Variants in COL4A3 observed in about 807,000 individuals in gnomAD.
COL4A3 encodes collagen type IV alpha 3 chain, also known as collagen alpha-3(IV) chain.
COL4A3 carries 135 observed loss-of-function variants against 217.4 expected under a neutral mutation model. That is an observed-to-expected ratio of 0.62 (90% CI 0.54 to 0.72). The LOEUF (loss-of-function observed/expected upper bound fraction) is 0.72, where lower values mean the gene tolerates loss of function less well. COL4A3 is among the 30% of genes least tolerant of loss of function. The pLI, the probability that COL4A3 is intolerant of heterozygous loss-of-function variation, is 0.00. For missense variants in COL4A3, 1,868 were observed against 2,119.9 expected (o/e 0.88, Z 2.33); for synonymous variants, 690 against 736.3 (o/e 0.94, Z 1.02).
At chr2:227,229,867 T>C (rs760504974) in intron 1 of COL4A3, among the ~76,000 whole-genome samples, 1 of 149,748 alleles carries the variant, frequency 6.7e-6, no homozygotes, top group Non-Finnish European at 1.5e-5. Flanking sequence ...GCTAACAGGG[T>C]GACACCCTGT....
Position 227,257,653 on chromosome 2 carries a change from G to C in COL4A3, c.1029+9G>C. ...CAGGATTTCGTGGTCCAGTAAGTGTGATTAAAGACAATATCAATGCTATGT... is the reference window on the plus strand; with the variant it reads ...CAGGATTTCGTGGTCCAGTAAGTGTCATTAAAGACAATATCAATGCTATGT... On this transcript the variant is annotated intron_variant, in intron 18 of 51. Coordinates refer to ENST00000396578, the MANE Select transcript of COL4A3 (RefSeq NM_000091.5). 1 of 1,612,458 alleles carries C rather than the reference G, an allele frequency of 6.2e-7. No homozygotes were observed. The highest frequency in any genetic ancestry group is 8.5e-7 in the Non-Finnish European group (1 of 1,178,478).
At chr2:227,173,366 T>A (rs1363288674) in intron 1 of COL4A3, among the ~76,000 whole-genome samples, 2 of 152,168 alleles carry the variant, frequency 1.3e-5, no homozygotes, top group African/African-American at 2.4e-5. Flanking sequence ...ACAAATCTGG[T>A]AAGAAAGCAC....
At chr2:227,309,598 T>A (rs1469284097) in intron 50 of COL4A3, among the ~76,000 whole-genome samples, 1 of 152,068 alleles carries the variant, frequency 6.6e-6, no homozygotes, top group Non-Finnish European at 1.5e-5. Flanking sequence ...AATGTCTCTT[T>A]TTATTATTTT....
chr2:227,207,181 C>T (rs889153432), intron 1 of COL4A3, among the ~76,000 whole-genome samples: 2 of 152,154 alleles, frequency 1.3e-5, no homozygotes, highest in African/African-American at 4.8e-5. Context: ...TCTTGCCTTT[C>T]ATTCCAGGTT....
At position 227,266,471 on chromosome 2, in the gene COL4A3, T is replaced by C; in HGVS notation, c.1370T>C (p.Leu457Pro). 1 of 1,614,094 alleles carries C rather than the reference T, an allele frequency of 6.2e-7. No individual in the cohort carries two copies. The highest frequency in any genetic ancestry group is 8.5e-7 in the Non-Finnish European group (1 of 1,179,982). ...GGAGATCACGGACTGCCAGGCTATC[T>C]AGGGTCTCCAGGAATCCCAGGAGTT... ...PPGDHGLPGY[L>P]GSPGIPGVDG... The change falls in exon 22 of 52, where the codon CTA becomes CCA. Residue 457 changes from leucine (L) to proline (P), a missense_variant. Around this residue, in one of 2 missense-constraint regions of COL4A3, gnomAD observed 1,503 missense variants for 1,786.1 expected, o/e 0.84. Transcript: ENST00000396578.
intron 1 of COL4A3, among the ~76,000 whole-genome samples, chr2:227,202,178 G>A (rs1310999502): frequency 4.6e-5 from 7 of 152,060 alleles, no homozygotes; most frequent in African/African-American, 1.7e-4. Flanking sequence ...AACATTGTAG[G>A]GTGTCAATAT....
Position 227,282,204 on chromosome 2 carries a change from G to A in COL4A3, c.2489-161G>A, listed in dbSNP as rs1176102522. 6.6e-6 allele frequency among the ~76,000 whole-genome samples: 1 copy of A among 151,332 alleles called. No homozygotes were observed. Among genetic ancestry groups the A allele is most frequent in the Non-Finnish European group, 1.5e-5 (1 of 67,936 alleles). On this transcript the variant is annotated intron_variant, in intron 31 of 51. Transcript: ENST00000396578. This position sits in a 1 kb window ranked among gnomAD's most constrained non-coding sequence, Gnocchi z 4.4. ...GGAGAATCACTTGAACCAGGGAGGC[G>A]GAGGGTACAGTGAGCCGAAATCGCC...
chr2:227,185,855 C>G (rs931798851), intron 1 of COL4A3, among the ~76,000 whole-genome samples: 1 of 152,220 alleles, frequency 6.6e-6, no homozygotes, highest in African/African-American at 2.4e-5. Context: ...GTTGTAGCAT[C>G]TCAGTTCATT....
chr2:227,261,272 C>T (rs941812003), intron 20 of COL4A3, among the ~76,000 whole-genome samples, 155 bp downstream of exon 20: 1 of 152,230 alleles, frequency 6.6e-6, no homozygotes, highest in African/African-American at 2.4e-5. Flanking sequence ...CGCCTGTAAT[C>T]CCAGCATTTT....
chr2:227,293,477 A>C (rs1225920085), intron 38 of COL4A3, among the ~76,000 whole-genome samples, 160 bp downstream of exon 38: 1 of 152,242 alleles, frequency 6.6e-6, no homozygotes, highest in African/African-American at 2.4e-5. Flanking sequence ...AGAATTCATT[A>C]AGAGAGCCCA....
intron 1 of COL4A3, among the ~76,000 whole-genome samples, chr2:227,202,880 CATATGTGT>C (rs1292370852): frequency 0.041 from 775 of 18,946 alleles, 110 homozygotes; most frequent in Admixed American, 0.087. Context: ...TGTATATATA[CATATGTGT>C]ATATATGTGT....
chr2:227,311,144 A>C (rs1400673451), intron 51 of COL4A3, among the ~76,000 whole-genome samples, 196 bp downstream of exon 51: 1 of 152,172 alleles, frequency 6.6e-6, no homozygotes, highest in Admixed American at 6.5e-5. Flanking sequence ...ACAATCACAA[A>C]ACGATCTCTC....
intron 23 of COL4A3, 46 bp downstream of exon 23, chr2:227,267,134 C>T (rs780810856): frequency 1.5e-6 from 2 of 1,336,000 alleles, no homozygotes; most frequent in East Asian, 4.6e-5. Context: ...ACAAAAGGGT[C>T]AATACACTGG....
chr2:227,202,831 CTATGTGTATATATACA>C (rs2066769333), intron 1 of COL4A3, among the ~76,000 whole-genome samples: 1 of 50,502 alleles, frequency 2.0e-5, no homozygotes, highest in South Asian at 5.9e-4. Flanking sequence ...ATATGTGTAT[CTATGTGTATATATACA>C]TATGTGTATA....
At chr2:227,261,783 T>C (rs2070585582) in intron 20 of COL4A3, among the ~76,000 whole-genome samples, 1 of 152,222 alleles carries the variant, frequency 6.6e-6, no homozygotes, top group Non-Finnish European at 1.5e-5. Context: ...AATGACAGTT[T>C]TCATAACATA....
chr2:227,203,210 TAC>T lies in COL4A3; in HGVS notation c.88-34752_88-34751del, dbSNP rs1226721137. ...GTGTATATATACATATATGTGTATA[TAC>T]ACACATATATGTGTATATATGTGTA... On this transcript the variant is annotated intron_variant, in intron 1 of 51. Transcript: ENST00000396578. 1.8e-3 allele frequency among the ~76,000 whole-genome samples: 46 copies of T among 26,002 alleles called. 21 individuals carry two copies. Among genetic ancestry groups the T allele is most frequent in the Middle Eastern group, 0.062 (2 of 32 alleles). The allele number at this position is 26,002 out of a possible 152,430, so 17.1% of individuals were successfully genotyped here. A position where few individuals can be genotyped will look rare whatever the true frequency, so the allele number is the denominator to read the frequency against.
intron 18 of COL4A3, among the ~76,000 whole-genome samples, chr2:227,258,485 G>A (rs2070339664): frequency 6.6e-6 from 1 of 152,176 alleles, no homozygotes; most frequent in Non-Finnish European, 1.5e-5. Flanking sequence ...AATTTGTAAA[G>A]AACAGAAATT....
At chr2:227,272,404 G>T (rs2071296039) in intron 25 of COL4A3, among the ~76,000 whole-genome samples, 1 of 152,210 alleles carries the variant, frequency 6.6e-6, no homozygotes, top group African/African-American at 2.4e-5. Context: ...AGAGGGCCAT[G>T]TTGGGAAGGA....
At chr2:227,202,017 T>C (rs1239140083) in intron 1 of COL4A3, among the ~76,000 whole-genome samples, 1 of 152,228 alleles carries the variant, frequency 6.6e-6, no homozygotes, top group African/African-American at 2.4e-5. Context: ...CAAATGATTT[T>C]CCAGTACACT....
Sources: allele counts gnomAD v4.1 joint callset (sites outside exome capture counted in the v4.1 genomes callset), GRCh38; gene constraint gnomAD v4.1.1; regional missense constraint gnomAD v4.1.1; non-coding constraint Gnocchi (gnomAD v3.1); transcripts MANE v1.5; gene names NCBI Gene and HGNC (gene_info 2026-07-23, HGNC 2026-07-21).